DMD: variants seen among roughly 807,000 people sequenced by gnomAD.
DMD encodes the protein dystrophin.
A neutral mutation model predicts 330.1 loss-of-function variants in DMD; 63 were observed. That is an observed-to-expected ratio of 0.19 (90% CI 0.16 to 0.24). The LOEUF (loss-of-function observed/expected upper bound fraction) is 0.24, where lower values mean the gene tolerates loss of function less well. Among genes scored for constraint, DMD ranks in the 10% least tolerant of loss-of-function variants. The pLI, the probability that DMD is intolerant of heterozygous loss-of-function variation, is 1.00. For missense variants in DMD, 3,344 were observed against 2,684.1 expected (o/e 1.25, Z -5.43); for synonymous variants, 1,223 against 959.8 (o/e 1.27, Z -5.07).
intron 4 of DMD, among the ~76,000 whole-genome samples, chrX:32,827,142 T>C (rs1381620112): frequency 9.6e-6 from 1 of 103,713 alleles, no homozygotes; most frequent in Non-Finnish European, 1.9e-5. Flanking sequence ...ATAAAATTTA[T>C]CTATATCCAC....
chrX:32,411,602 T>C (rs2098142359), intron 30 of DMD, 150 bp downstream of exon 30: 1 of 602,142 alleles, frequency 1.7e-6, no homozygotes, highest in African/African-American at 2.3e-5. Context: ...AGACCCCCTT[T>C]TCTTCCTACC....
intron 2 of DMD, among the ~76,000 whole-genome samples, chrX:32,911,507 C>A (rs1326613252): frequency 9.0e-6 from 1 of 111,506 alleles, no homozygotes; most frequent in African/African-American, 3.3e-5. Flanking sequence ...CAAAGTACAG[C>A]CTTAAAGGAA....
At chrX:33,149,211 C>T (rs769988215) in intron 1 of DMD, among the ~76,000 whole-genome samples, 8 of 111,456 alleles carry the variant, frequency 7.2e-5, no homozygotes, top group Admixed American at 2.9e-4. Flanking sequence ...TGCAACTAGA[C>T]GGTCCCATCT....
chrX:33,116,356 C>T lies in DMD; in HGVS notation c.31+94926G>A, dbSNP rs185353013. ...CAAAACCCCATCTCTACAAAAAGTA[C>T]GAAAATTAGCTGGGTGTGGTGGAGC... On this transcript the variant is annotated intron_variant, in intron 1 of 78. Transcript: ENST00000357033. 4.6e-5 allele frequency among the ~76,000 whole-genome samples: 5 copies of T among 109,533 alleles called. No individual in the cohort carries two copies. In the East Asian group the frequency reaches 1.5e-3, roughly 32 times the overall value.
At chrX:33,003,180 T>C (rs1310278866) in intron 2 of DMD, among the ~76,000 whole-genome samples, 1 of 110,682 alleles carries the variant, frequency 9.0e-6, no homozygotes, top group East Asian at 2.9e-4. Context: ...CTAGAGTCCA[T>C]TATATCATTC....
At chrX:31,569,686 A>G (rs1485869822) in intron 55 of DMD, among the ~76,000 whole-genome samples, 1 of 103,915 alleles carries the variant, frequency 9.6e-6, no homozygotes, top group African/African-American at 3.5e-5. Context: ...ATATATGCCA[A>G]TTCTTCAGAC....
In DMD at chrX:31,358,034, TCA is replaced by T. The variant is rs1390532073; in HGVS notation, c.9085-9402_9085-9401del. 7.2e-5 allele frequency among the ~76,000 whole-genome samples: 8 copies of T among 110,494 alleles called. No homozygotes were observed. The Admixed American group carries it at 7.8e-4, about 11-fold the overall frequency. On this transcript the variant is annotated intron_variant, in intron 60 of 78. Transcript: ENST00000357033. ...CCAGAATTAAAACTCTGCCATGGAC[TCA>T]CAGTCTCTACGGTCTCTCTCCCTCT...
At chrX:32,054,088 T>TGA (rs751524877) in intron 44 of DMD, among the ~76,000 whole-genome samples, 6,723 of 69,420 alleles carry the variant, frequency 0.097, 346 homozygotes, top group Non-Finnish European at 0.14. Context: ...TGTGTGTGTG[T>TGA]GAGAGAGAGA....
At chrX:32,091,641 A>T (rs958508212) in intron 44 of DMD, among the ~76,000 whole-genome samples, 5 of 111,835 alleles carry the variant, frequency 4.5e-5, no homozygotes, top group Admixed American at 1.9e-4. Context: ...TTAAAGTTAC[A>T]GTTAATAATC....
rs750817474 is a variant in DMD, at chrX:32,206,455, C to T, written c.6438+10461G>A. 2.4e-5 allele frequency: 13 copies of T among 530,956 alleles called. No individual in the cohort carries two copies. In the South Asian group the frequency reaches 2.5e-4, roughly 10 times the overall value. 43.8% of individuals were successfully genotyped at this position (530,956 alleles called of 1,213,427 possible). On this transcript the variant is annotated intron_variant, in intron 44 of 78. Coordinates refer to ENST00000357033, the MANE Select transcript of DMD (RefSeq NM_004006.3). ...CCAGTGAAGAAATCTATATGAGATA[C>T]TCCAGCCAAAAATGCACAAAAGTCA...
intron 1 of DMD, among the ~76,000 whole-genome samples, chrX:33,081,631 C>T (rs748002153): frequency 3.4e-4 from 38 of 112,033 alleles, no homozygotes; most frequent in African/African-American, 1.1e-3. Context: ...GTCAATCAGC[C>T]CATTTTGTAA....
At chrX:32,537,860 C>T (rs774364430) in intron 17 of DMD, among the ~76,000 whole-genome samples, 2 of 112,193 alleles carry the variant, frequency 1.8e-5, no homozygotes, top group South Asian at 3.7e-4. Flanking sequence ...TATTCTTTTA[C>T]GCCTTGCATT....
intron 42 of DMD, among the ~76,000 whole-genome samples, chrX:32,294,179 T>C (rs1028701340): frequency 8.9e-6 from 1 of 112,209 alleles, no homozygotes; most frequent in African/African-American, 3.2e-5. Flanking sequence ...GCCAGTCCAA[T>C]GGCAAAGATA....
At chrX:31,966,269 T>G (rs2095350492) in intron 45 of DMD, among the ~76,000 whole-genome samples, 1 of 110,885 alleles carries the variant, frequency 9.0e-6, no homozygotes, top group African/African-American at 3.3e-5. Context: ...AACATATTAT[T>G]CATAAAATAT....
intron 50 of DMD, among the ~76,000 whole-genome samples, chrX:31,793,951 C>T (rs753907881): frequency 1.8e-5 from 2 of 111,145 alleles, no homozygotes; most frequent in Non-Finnish European, 3.8e-5. Context: ...CCTTGTATTA[C>T]ACAGGAAGTG....
intron 59 of DMD, among the ~76,000 whole-genome samples, chrX:31,454,095 G>A (rs2065974414): frequency 8.9e-6 from 1 of 112,096 alleles, no homozygotes; most frequent in Non-Finnish European, 1.9e-5. Flanking sequence ...TATCAACCAT[G>A]AGGATGTTTA....
At chrX:31,877,457 C>T (rs2093985122) in intron 47 of DMD, among the ~76,000 whole-genome samples, 1 of 112,190 alleles carries the variant, frequency 8.9e-6, no homozygotes, top group South Asian at 3.7e-4. Flanking sequence ...ATGGGAAATA[C>T]AGGTGGTGGC....
chrX:32,887,702 C>T (rs1484567415), intron 2 of DMD, among the ~76,000 whole-genome samples: 7 of 88,298 alleles, frequency 7.9e-5, no homozygotes, highest in African/African-American at 1.4e-4. Flanking sequence ...GAGCCTAGAC[C>T]GCACCATTGC....
At chrX:31,858,399 C>T (rs902474259) in intron 48 of DMD, among the ~76,000 whole-genome samples, 1 of 110,786 alleles carries the variant, frequency 9.0e-6, no homozygotes, top group African/African-American at 3.3e-5. Context: ...CAGAATGTTA[C>T]ATAGTTTTGT....
Sources: gnomAD v4.1 joint callset for allele counts (sites outside exome capture counted in the v4.1 genomes callset) on GRCh38, gnomAD v4.1.1 for gene constraint, MANE v1.5 for transcripts, NCBI Gene and HGNC (gene_info 2026-07-23, HGNC 2026-07-21) for gene names.